The following LRP5 variants were observed in gnomAD, a reference collection of about 807,000 sequenced individuals.
The protein encoded by LRP5 is LDL receptor related protein 5.
Under a neutral mutation model 154.1 loss-of-function variants are expected in LRP5, and 62 were observed. The observed-to-expected ratio is 0.40, with a 90% CI of 0.33 to 0.50. LRP5 has a LOEUF of 0.50. Ranked by LOEUF, LRP5 falls within the 20% of genes least tolerant of loss-of-function variation. The probability of loss-of-function intolerance (pLI) is 0.55; values close to 1 mark genes in which losing one functional copy is unlikely to be tolerated. For synonymous variants in LRP5, 966 were observed against 1,011.5 expected (o/e 0.96, Z 0.85); for missense variants, 1,915 against 2,336.7 (o/e 0.82, Z 3.72).
Position 68,353,784 on chromosome 11 carries a change from G to A in LRP5, c.489-3866G>A, listed in dbSNP as rs911836862. Reference sequence around the variant, plus strand: ...AGGAAGGGGGTCTCTGGGTCCGAGCGTCCACCTCAGTGTGCACGTGGCCAA... The same window carrying A: ...AGGAAGGGGGTCTCTGGGTCCGAGCATCCACCTCAGTGTGCACGTGGCCAA... On this transcript the variant is annotated intron_variant, in intron 2 of 22. Transcript: ENST00000294304. This position sits in a 1 kb window ranked among gnomAD's most constrained non-coding sequence, Gnocchi z 4.5. 8.5e-5 allele frequency among the ~76,000 whole-genome samples: 13 copies of A among 152,184 alleles called. No individual in the cohort carries two copies. The highest frequency in any genetic ancestry group is 6.5e-4 in the Admixed American group (10 of 15,288).
At position 68,439,923 on chromosome 11, in the gene LRP5, G is replaced by A. The variant is rs757738177; in HGVS notation, c.4488+7G>A. ...GGCCACGCTGTACCCGCCGGTGAGG[G>A]GCGGGGCCGGGGAGGGGCGGGGCGG... On this transcript the variant is annotated splice_region_variant and intron_variant, in intron 21 of 22. Transcript: ENST00000294304. The A allele has an allele frequency of 1.3e-5, 20 of 1,539,298 alleles. No homozygotes were observed. The highest frequency in any genetic ancestry group is 7.1e-5 in the East Asian group (3 of 42,306).
At chr11:68,409,099 CACACAT>C (rs1565086279) in intron 9 of LRP5, among the ~76,000 whole-genome samples, 1 of 92,982 alleles carries the variant, frequency 1.1e-5, no homozygotes, top group Non-Finnish European at 1.9e-5. Context: ...TATATATACA[CACACAT>C]ACACGCACAC....
At chr11:68,393,091 C>T (rs1346374794) in intron 7 of LRP5, among the ~76,000 whole-genome samples, 1 of 151,648 alleles carries the variant, frequency 6.6e-6, no homozygotes, top group Admixed American at 6.6e-5. Flanking sequence ...GATCGCACCA[C>T]TGCACTCCAG....
chr11:68,416,985 C>T (rs1327508551), intron 13 of LRP5, among the ~76,000 whole-genome samples: 2 of 152,192 alleles, frequency 1.3e-5, no homozygotes, highest in South Asian at 2.1e-4. Context: ...GCACAGCCCT[C>T]AAAATCTCCA....
the LRP5 span, among the ~76,000 whole-genome samples, chr11:68,300,553 C>T: frequency 6.7e-6 from 1 of 149,598 alleles, no homozygotes; most frequent in African/African-American, 2.4e-5. Flanking sequence ...CCCATGTGGC[C>T]CAGGGGATAT....
rs1425500595 is a variant in LRP5 at position 68,413,599 on chromosome 11, G to A, written c.2504-90G>A. On this transcript the variant is annotated intron_variant, in intron 11 of 22. Transcript: ENST00000294304. This position sits in a 1 kb window ranked among gnomAD's most constrained non-coding sequence, Gnocchi z 5.1. The stretch of plus-strand genomic sequence containing the variant: ...CATTCATGTGGTCGCTAGGCTGCAG[G>A]GTTGAACCCTGGCTCACCCCGCAGG... 1.7e-6 allele frequency: 2 copies of A among 1,164,888 alleles called. No homozygotes were observed. Among genetic ancestry groups the A allele is most frequent in the Non-Finnish European group, 2.6e-6 (2 of 778,218 alleles). 72.2% of individuals were successfully genotyped at this position (1,164,888 alleles called of 1,614,324 possible). A position where few individuals can be genotyped will look rare whatever the true frequency, so the allele number is the denominator to read the frequency against.
At chr11:68,424,669 C>T (rs968984089) in intron 14 of LRP5, among the ~76,000 whole-genome samples, 3 of 152,202 alleles carry the variant, frequency 2.0e-5, no homozygotes, top group South Asian at 2.1e-4. Flanking sequence ...AGCCCGAGAT[C>T]GAGGTGTGGG....
At position 68,384,092 on chromosome 11, in the gene LRP5, G is replaced by T. The variant is rs138901897; in HGVS notation, c.1016-2224G>T. Among the ~76,000 whole-genome samples the T allele has an allele frequency of 1.2e-3, 183 of 152,078 alleles. 1 individual carries two copies. The East Asian group carries it at 0.012, about 10-fold the overall frequency. ...CCTCAGTTTCCCCAGCCCTGGGCCC[G>T]TGTCGCTGTTGCCATCACGTGGGCG... is the stretch of plus-strand genomic sequence containing the variant. On this transcript the variant is annotated intron_variant, in intron 5 of 22. Coordinates refer to ENST00000294304, the MANE Select transcript of LRP5 (RefSeq NM_002335.4).
rs568308836 is a variant in LRP5, at chr11:68,415,497, G to A, written c.2828-831G>A. On this transcript the variant is annotated intron_variant, in intron 12 of 22. Transcript: ENST00000294304. ...ACGGTGGCTCATGACTGTTATCCCA[G>A]CACTTTGGGAGGCTGAGGCGGGCAG... is the stretch of plus-strand genomic sequence containing the variant. Among the ~76,000 whole-genome samples, 40 of 152,256 alleles carry A rather than the reference G, an allele frequency of 2.6e-4. 1 individual carries two copies. Among genetic ancestry groups the A allele is most frequent in the African/African-American group, 9.4e-4 (39 of 41,538 alleles).
rs370784668 is a variant in LRP5 at position 68,353,760 on chromosome 11, G to A, written c.489-3890G>A. On this transcript the variant is annotated intron_variant, in intron 2 of 22. Transcript: ENST00000294304. This position sits in a 1 kb window ranked among gnomAD's most constrained non-coding sequence, Gnocchi z 4.5. ...GGGGTTCCTGCCCCGGCCATCATCA[G>A]GAAGGGGGTCTCTGGGTCCGAGCGT... Among the ~76,000 whole-genome samples the A allele has an allele frequency of 9.3e-4, 142 of 152,352 alleles. 1 individual carries two copies. The highest frequency in any genetic ancestry group is 3.4e-3 in the African/African-American group (140 of 41,578).
intron 21 of LRP5, among the ~76,000 whole-genome samples, chr11:68,445,903 T>G (rs1000848306): frequency 2.0e-4 from 31 of 152,350 alleles, no homozygotes; most frequent in African/African-American, 6.7e-4. Context: ...TGGTGACTTC[T>G]GTGTCAGGGC....
chr11:68,443,423 G>A (rs1359616307), intron 21 of LRP5, among the ~76,000 whole-genome samples: 3 of 143,272 alleles, frequency 2.1e-5, no homozygotes, highest in Non-Finnish European at 4.6e-5. Flanking sequence ...ATGGGAGGCG[G>A]AGGTTGCAGT....
rs2098670847 is a variant in LRP5 at position 68,429,650 on chromosome 11, G to T, written c.3713G>T (p.Cys1238Phe). ...GCCAAGGGTGATGGGACACCACGGT[G>T]CTCATGCCCAGTCCACCTCGTGCTC... ...CIAKGDGTPR[C>F]SCPVHLVLLQ... The change falls in exon 17 of 23, where the codon TGC (cysteine) becomes TTC (phenylalanine). Residue 1238 changes from cysteine (C) to phenylalanine (F), a missense_variant. Physicochemically the swap from Cys to Phe is radical, Grantham distance 205 (BLOSUM62 -2). Around this residue, in one of 3 missense-constraint regions of LRP5, gnomAD observed 1,094 missense variants for 1,210.1 expected, o/e 0.90. Transcript: ENST00000294304. 1 of 1,614,040 alleles carries T rather than the reference G, an allele frequency of 6.2e-7. No homozygotes were observed. The highest frequency in any genetic ancestry group is 1.3e-5 in the African/African-American group (1 of 74,926).
intron 1 of LRP5, among the ~76,000 whole-genome samples, chr11:68,343,430 G>C (rs1370561378): frequency 6.6e-6 from 1 of 152,054 alleles, no homozygotes; most frequent in Non-Finnish European, 1.5e-5. Context: ...CAAAAGGCCT[G>C]TGACCCCAAG....
chr11:68,401,383 C>T (rs1235886119), intron 7 of LRP5, among the ~76,000 whole-genome samples: 1 of 152,210 alleles, frequency 6.6e-6, no homozygotes, highest in Non-Finnish European at 1.5e-5. Flanking sequence ...CTGGTCTAAC[C>T]ATGTTCCCGC....
At chr11:68,437,116 G>A (rs1591326449) in intron 19 of LRP5, 117 bp downstream of exon 19, 1 of 861,614 alleles carries the variant, frequency 1.2e-6, no homozygotes, top group East Asian at 2.6e-5. Context: ...GGGAGACTCA[G>A]GCGGCTGGGA....
chr11:68,389,555 C>T (rs141982992), intron 6 of LRP5, among the ~76,000 whole-genome samples: 4 of 152,292 alleles, frequency 2.6e-5, no homozygotes, highest in Admixed American at 1.3e-4. Context: ...TGTTTACCAA[C>T]GCCGACGTTT....
At chr11:68,332,881 G>A (rs1205121635) in intron 1 of LRP5, among the ~76,000 whole-genome samples, 2 of 152,150 alleles carry the variant, frequency 1.3e-5, no homozygotes, top group Admixed American at 6.5e-5. Context: ...TATTCCTGGG[G>A]TGCTTGAAGA....
chr11:68,390,831 C>T lies in LRP5; in HGVS notation c.1584+779C>T, dbSNP rs1323434337. On this transcript the variant is annotated intron_variant, in intron 7 of 22. Transcript: ENST00000294304. Reference sequence around the variant, plus strand: ...GCCGCTGTGGTCGGGTTTCAGTGGCCTCGTCCTGTGGACGCAGCCTCGCCC... The same window carrying T: ...GCCGCTGTGGTCGGGTTTCAGTGGCTTCGTCCTGTGGACGCAGCCTCGCCC... Among the ~76,000 whole-genome samples the T allele has an allele frequency of 2.2e-5, 3 of 134,492 alleles. No homozygotes were observed. In the East Asian group the frequency reaches 7.1e-4, roughly 32 times the overall value. The allele number at this position is 134,492 out of a possible 152,430, so 88.2% of individuals were successfully genotyped here. A position where few individuals can be genotyped will look rare whatever the true frequency, so the allele number is the denominator to read the frequency against.
Sources: allele counts gnomAD v4.1 joint callset (sites outside exome capture counted in the v4.1 genomes callset), GRCh38; gene constraint gnomAD v4.1.1; regional missense constraint gnomAD v4.1.1; non-coding constraint Gnocchi (gnomAD v3.1); transcripts MANE v1.5; gene names NCBI Gene and HGNC (gene_info 2026-07-23, HGNC 2026-07-21).